LINGO2: variants seen among roughly 807,000 people sequenced by gnomAD.
LINGO2 encodes the protein leucine rich repeat and Ig domain containing 2, also known as leucine-rich repeat and immunoglobulin-like domain-containing nogo receptor-interacting protein 2.
In LINGO2, 14 loss-of-function variants were observed where a neutral mutation model predicts 30.6. That is an observed-to-expected ratio of 0.46 (90% CI 0.30 to 0.72). LINGO2 has a LOEUF of 0.72. Ranked by LOEUF, LINGO2 falls within the 30% of genes least tolerant of loss-of-function variation. LINGO2 has a pLI of 0.07. For missense variants in LINGO2, 729 were observed against 751.7 expected (o/e 0.97, Z 0.35); for synonymous variants, 317 against 288.5 (o/e 1.10, Z -1.00).
At chr9:28,035,737 A>G (rs1180303146) in intron 4 of LINGO2, among the ~76,000 whole-genome samples, 2 of 152,200 alleles carry the variant, frequency 1.3e-5, no homozygotes, top group African/African-American at 4.8e-5. Flanking sequence ...AGCTGACATC[A>G]TTGTAGGGGT....
chr9:29,125,839 C>T, the LINGO2 span, among the ~76,000 whole-genome samples: 3 of 152,052 alleles, frequency 2.0e-5, no homozygotes, highest in African/African-American at 7.2e-5. Context: ...ACTGCCAAAG[C>T]TTATTTTGAG....
chr9:28,267,349 C>T lies in LINGO2; in HGVS notation c.-87+27859G>A, dbSNP rs180724547. ...CATAGCTGCCAAATTCAACTTTCCT[C>T]ACTTATTCCTTTGCTTAGGGCAAAA... On this transcript the variant is annotated intron_variant, in intron 4 of 5. Transcript: ENST00000379992. 2.0e-3 allele frequency among the ~76,000 whole-genome samples: 301 copies of T among 151,910 alleles called. 1 individual carries two copies. Among genetic ancestry groups the T allele is most frequent in the Admixed American group, 4.0e-3 (61 of 15,248 alleles).
At chr9:28,250,474 C>T (rs1487131778) in intron 4 of LINGO2, among the ~76,000 whole-genome samples, 3 of 152,092 alleles carry the variant, frequency 2.0e-5, no homozygotes, top group Admixed American at 1.3e-4. Context: ...CAGGTGCAGA[C>T]AAAGAAGCCC....
chr9:28,762,010 T>A, the LINGO2 span, among the ~76,000 whole-genome samples: 1 of 152,028 alleles, frequency 6.6e-6, no homozygotes, highest in Non-Finnish European at 1.5e-5. Flanking sequence ...AAATCCTTTT[T>A]TTCCCTCTAT....
At chr9:28,848,045 GTA>G in the LINGO2 span, among the ~76,000 whole-genome samples, 2,996 of 17,792 alleles carry the variant, frequency 0.17, 561 homozygotes, top group South Asian at 0.21. Context: ...ACTATATATA[GTA>G]TATATATATA....
chr9:29,083,138 G>A, the LINGO2 span, among the ~76,000 whole-genome samples: 2 of 152,144 alleles, frequency 1.3e-5, no homozygotes, highest in African/African-American at 4.8e-5. Flanking sequence ...GCACACGTAT[G>A]TTTATTGTGG....
At chr9:29,055,156 T>C in the LINGO2 span, among the ~76,000 whole-genome samples, 1 of 151,990 alleles carries the variant, frequency 6.6e-6, no homozygotes. Context: ...GAGGCAGACG[T>C]TGCAGTGAGC....
chr9:29,059,979 TA>T, the LINGO2 span, among the ~76,000 whole-genome samples: 1 of 152,044 alleles, frequency 6.6e-6, no homozygotes, highest in Non-Finnish European at 1.5e-5. Flanking sequence ...TGATTACAAC[TA>T]AAAATTCTGA....
chr9:28,732,011 A>T, the LINGO2 span, among the ~76,000 whole-genome samples: 1 of 152,176 alleles, frequency 6.6e-6, no homozygotes, highest in Non-Finnish European at 1.5e-5. Context: ...ATTGAACAAA[A>T]TACTATAAAG....
chr9:28,348,233 G>C (rs1819671108), intron 3 of LINGO2, among the ~76,000 whole-genome samples: 1 of 152,112 alleles, frequency 6.6e-6, no homozygotes, highest in Non-Finnish European at 1.5e-5. Context: ...TCCATCTGAG[G>C]TACCGGGTTC....
chr9:28,606,777 G>A (rs1259784815), intron 1 of LINGO2, among the ~76,000 whole-genome samples: 1 of 152,008 alleles, frequency 6.6e-6, no homozygotes, highest in African/African-American at 2.4e-5. Flanking sequence ...ACTATGACAA[G>A]TACTGTGCAT....
chr9:28,207,902 G>A (rs557708621), intron 4 of LINGO2, among the ~76,000 whole-genome samples: 6 of 151,872 alleles, frequency 4.0e-5, no homozygotes, highest in African/African-American at 1.4e-4. Context: ...CATGAAACTT[G>A]GCTCTTCTGT....
At chr9:28,263,962 T>C (rs559449282) in intron 4 of LINGO2, among the ~76,000 whole-genome samples, 3 of 152,080 alleles carry the variant, frequency 2.0e-5, no homozygotes, top group South Asian at 4.1e-4. Flanking sequence ...TTATGATTAT[T>C]ATTTGTTACT....
intron 1 of LINGO2, among the ~76,000 whole-genome samples, chr9:28,482,753 C>A (rs1309264589): frequency 1.3e-5 from 2 of 152,092 alleles, no homozygotes; most frequent in East Asian, 3.9e-4. Context: ...GAAAGGGTTC[C>A]CTATTTAATA....
At chr9:28,080,612 G>C (rs1825746959) in intron 4 of LINGO2, 1 of 152,122 alleles carries the variant, frequency 6.6e-6, no homozygotes, top group African/African-American at 2.4e-5. Context: ...AAATTATTTT[G>C]TTTGTTTCTT....
chr9:28,362,214 A>G (rs78588545), intron 3 of LINGO2, among the ~76,000 whole-genome samples: 15 of 151,006 alleles, frequency 9.9e-5, no homozygotes, highest in East Asian at 3.9e-4. Context: ...TTGTGTGTGT[A>G]TGTGTGTGTG....
chr9:28,006,501 A>G (rs1334752962), intron 5 of LINGO2, among the ~76,000 whole-genome samples: 2 of 152,176 alleles, frequency 1.3e-5, no homozygotes, highest in Admixed American at 1.3e-4. Context: ...TGCATTAGAC[A>G]AGAACTATAA....
the LINGO2 span, among the ~76,000 whole-genome samples, chr9:29,154,687 T>C: frequency 6.6e-6 from 1 of 152,166 alleles, no homozygotes; most frequent in Non-Finnish European, 1.5e-5. Context: ...AAAACAAATA[T>C]ACATGCATTT....
chr9:28,142,462 G>A (rs1449443704), intron 4 of LINGO2, among the ~76,000 whole-genome samples: 3 of 152,030 alleles, frequency 2.0e-5, no homozygotes, highest in Admixed American at 2.0e-4. Context: ...AGGATTTTTT[G>A]TTGTTGTTCA....
Sources: gnomAD v4.1 joint callset for allele counts (sites outside exome capture counted in the v4.1 genomes callset) on GRCh38, gnomAD v4.1.1 for gene constraint, MANE v1.5 for transcripts, NCBI Gene and HGNC (gene_info 2026-07-23, HGNC 2026-07-21) for gene names.